JPH1: variants seen among roughly 807,000 people sequenced by gnomAD.
The protein encoded by JPH1 is junctophilin-1.
JPH1 carries 12 observed loss-of-function variants against 53.6 expected under a neutral mutation model. The observed-to-expected ratio is 0.22, with a 90% CI of 0.14 to 0.36. The LOEUF (loss-of-function observed/expected upper bound fraction) is 0.36. JPH1 is among the 10% of genes least tolerant of loss of function. JPH1 has a pLI of 1.00. For missense variants in JPH1, 808 were observed against 905.5 expected, an observed-to-expected ratio of 0.89 and a Z score of 1.38; for synonymous variants, 375 against 363.8, an observed-to-expected ratio of 1.03 and a Z score of -0.35.
At chr8:74,279,854 C>T (rs1194027156) in intron 2 of JPH1, among the ~76,000 whole-genome samples, 3 of 152,154 alleles carry the variant, frequency 2.0e-5, no homozygotes, top group Non-Finnish European at 4.4e-5. Context: ...CTAAAGAGTT[C>T]TAAAGTTCCC....
At chr8:74,263,905 T>C (rs990357220) in intron 2 of JPH1, among the ~76,000 whole-genome samples, 6 of 152,210 alleles carry the variant, frequency 3.9e-5, no homozygotes, top group Non-Finnish European at 8.8e-5. Context: ...TGTAGACAGT[T>C]GCAGCCCGTA....
chr8:74,313,636 T>C (rs73343372), intron 2 of JPH1, among the ~76,000 whole-genome samples: 2,706 of 151,588 alleles, frequency 0.018, 69 homozygotes, highest in African/African-American at 0.054. Context: ...AATTTGAACA[T>C]TGGAAATTTC....
At chr8:74,277,891 AAG>A (rs1375369036) in intron 2 of JPH1, among the ~76,000 whole-genome samples, 2 of 152,156 alleles carry the variant, frequency 1.3e-5, no homozygotes, top group East Asian at 3.9e-4. Flanking sequence ...AAAAAACAGG[AAG>A]AGTCTCCCAT....
intron 2 of JPH1, among the ~76,000 whole-genome samples, chr8:74,296,718 C>A (rs1052552899): frequency 3.3e-5 from 5 of 152,128 alleles, no homozygotes; most frequent in Non-Finnish European, 5.9e-5. Flanking sequence ...ACCAAGAAAT[C>A]CCTCTTCCCT....
chr8:74,271,367 C>T (rs1008408248), intron 2 of JPH1, among the ~76,000 whole-genome samples: 14 of 152,160 alleles, frequency 9.2e-5, no homozygotes, highest in Admixed American at 3.3e-4. Context: ...TCCAGGATTG[C>T]GCTAGACATC....
chr8:74,292,842 G>T (rs1807379265), intron 2 of JPH1, among the ~76,000 whole-genome samples: 1 of 152,200 alleles, frequency 6.6e-6, no homozygotes, highest in South Asian at 2.1e-4. Flanking sequence ...GTCCTGTTTA[G>T]CAAGGCAAAA....
At chr8:74,249,305 T>G (rs1453006535) in intron 3 of JPH1, among the ~76,000 whole-genome samples, 1 of 152,128 alleles carries the variant, frequency 6.6e-6, no homozygotes, top group Non-Finnish European at 1.5e-5. Context: ...AATTAGACAT[T>G]TTCTGTGGAG....
At chr8:74,305,677 G>A (rs753928281) in intron 2 of JPH1, among the ~76,000 whole-genome samples, 1 of 152,132 alleles carries the variant, frequency 6.6e-6, no homozygotes, top group Non-Finnish European at 1.5e-5. Flanking sequence ...AGTCTTCAGT[G>A]CCAGCTTTTA....
At chr8:74,295,464 G>A (rs1020448487) in intron 2 of JPH1, among the ~76,000 whole-genome samples, 2 of 152,160 alleles carry the variant, frequency 1.3e-5, no homozygotes, top group Non-Finnish European at 2.9e-5. Context: ...TTTAACAATT[G>A]TTGGCTGTAA....
At chr8:74,256,690 C>T (rs562591687) in intron 3 of JPH1, among the ~76,000 whole-genome samples, 14 of 152,206 alleles carry the variant, frequency 9.2e-5, no homozygotes, top group African/African-American at 2.9e-4. Flanking sequence ...TAGAGAAATG[C>T]GAATCAAAAC....
intron 2 of JPH1, among the ~76,000 whole-genome samples, chr8:74,278,409 G>A (rs894386851): frequency 6.6e-6 from 1 of 152,166 alleles, no homozygotes; most frequent in African/African-American, 2.4e-5. Flanking sequence ...CAGGGGAAGT[G>A]GAAGAGGCCC....
In JPH1 at chr8:74,315,101, T is replaced by C; in HGVS notation, c.899A>G (p.Asn300Ser). 3 of 1,614,214 alleles carry C rather than the reference T, an allele frequency of 1.9e-6. No homozygotes were observed. Among genetic ancestry groups the C allele is most frequent in the South Asian group, 1.1e-5 (1 of 91,086 alleles). ...CCACTCCCCTTCATACTTCATGCCA[T>C]TGGAGCGCTCGCTAACGCCGAAGCC... ...RNGFGVSERSNGMKYEGEWAN... is the reference protein window; with the variant it reads ...RNGFGVSERSSGMKYEGEWAN... Residue 300 changes from asparagine (N) to serine (S), a missense_variant, in exon 2 of 6, where the codon AAT (asparagine) becomes AGT (serine). Transcript: ENST00000342232. This position sits in a 1 kb window ranked among gnomAD's most constrained non-coding sequence, Gnocchi z 6.3.
At position 74,321,076 on chromosome 8, in the gene JPH1, C is replaced by T; in HGVS notation, c.212G>A (p.Gly71Glu). The T allele has an allele frequency of 6.2e-7, 1 of 1,613,558 alleles. No individual in the cohort carries two copies. Among genetic ancestry groups the T allele is most frequent in the Non-Finnish European group, 8.5e-7 (1 of 1,179,728 alleles). Residue 71 changes from glycine (G) to glutamate (E), a missense_variant, in exon 1 of 6, where the codon GGG becomes GAG. Physicochemically the swap from Gly to Glu is moderately conservative, Grantham distance 98. This residue lies in a region of JPH1 where 756 missense variants were observed against 811.9 expected (regional missense o/e 0.93). Transcript: ENST00000342232. This position sits in a 1 kb window ranked among gnomAD's most constrained non-coding sequence, Gnocchi z 4.3. ...QGYWAQGKRH[G>E]LGVETKGKWM... ...CTTGCCCTTCGTCTCCACCCCCAGC[C>T]CGTGCCGCTTGCCCTGCGCCCAGTA... is the stretch of plus-strand genomic sequence containing the variant.
At chr8:74,241,473 T>C (rs959584644) in intron 4 of JPH1, among the ~76,000 whole-genome samples, 2 of 152,156 alleles carry the variant, frequency 1.3e-5, no homozygotes, top group African/African-American at 4.8e-5. Flanking sequence ...TAAGTCTTGA[T>C]TGGAAGAAAT....
At position 74,315,424 on chromosome 8, in the gene JPH1, A is replaced by T. The variant is rs753155099; in HGVS notation, c.576T>A (p.Gly192=). The T allele has an allele frequency of 3.1e-6, 5 of 1,611,794 alleles. No individual in the cohort carries two copies. Among genetic ancestry groups the T allele is most frequent in the Non-Finnish European group, 4.2e-6 (5 of 1,179,670 alleles). The stretch of plus-strand genomic sequence containing the variant: ...CGTCTGCGTGGAAGTTGAGCACGAA[A>T]CCGCCGCGGGTGCCGGCCGGGCTGT... ...AADSPAGTRG[G]FVLNFHADAE... Residue 192 remains glycine, a synonymous_variant, in exon 2 of 6, where the codon GGT becomes GGA. Coordinates refer to ENST00000342232, the MANE Select transcript of JPH1 (RefSeq NM_020647.4). The surrounding 1 kb of genome is among the most constrained non-coding windows in gnomAD (Gnocchi z 6.3).
intron 2 of JPH1, among the ~76,000 whole-genome samples, chr8:74,284,975 C>A (rs976854661): frequency 6.6e-6 from 1 of 152,034 alleles, no homozygotes; most frequent in Admixed American, 6.6e-5. Flanking sequence ...CAGGCAGGTG[C>A]CACCACACCT....
chr8:74,305,278 C>T (rs1807799791), intron 2 of JPH1, among the ~76,000 whole-genome samples: 1 of 152,216 alleles, frequency 6.6e-6, no homozygotes, highest in Admixed American at 6.5e-5. Context: ...GCTTCGGCTG[C>T]CTGGCAGCTG....
chr8:74,276,637 T>A (rs1015067008), intron 2 of JPH1, among the ~76,000 whole-genome samples: 3 of 152,224 alleles, frequency 2.0e-5, no homozygotes, highest in African/African-American at 7.2e-5. Flanking sequence ...ACATCTGTCA[T>A]CTACCTTGGG....
chr8:74,259,510 G>A lies in JPH1; in HGVS notation c.1140-7C>T, dbSNP rs551392484. 184 of 1,563,266 alleles carry A rather than the reference G, an allele frequency of 1.2e-4. No individual in the cohort carries two copies. The highest frequency in any genetic ancestry group is 5.5e-5 in the African/African-American group (4 of 73,378). On this transcript the variant is annotated splice_polypyrimidine_tract_variant and splice_region_variant and intron_variant, in intron 2 of 5. Coordinates refer to ENST00000342232, the MANE Select transcript of JPH1 (RefSeq NM_020647.4). ...CGCTCTGGCATGTGCAGTCCTACAC[G>A]GGGCACAAAAGGACGAGTCAGCATA...
Sources: allele counts gnomAD v4.1 joint callset (sites outside exome capture counted in the v4.1 genomes callset), GRCh38; gene constraint gnomAD v4.1.1; regional missense constraint gnomAD v4.1.1; non-coding constraint Gnocchi (gnomAD v3.1); transcripts MANE v1.5; gene names NCBI Gene and HGNC (gene_info 2026-07-23, HGNC 2026-07-21).